The following CDH12 variants were observed in gnomAD, a reference collection of about 807,000 sequenced individuals.
CDH12 encodes cadherin 12, also known as cadherin-12.
In CDH12, 41 loss-of-function variants were observed where a neutral mutation model predicts 74.1. The observed-to-expected ratio is 0.55, with a 90% CI of 0.43 to 0.72. The LOEUF (loss-of-function observed/expected upper bound fraction) is 0.72, where lower values mean the gene tolerates loss of function less well. Ranked by LOEUF, CDH12 falls within the 30% of genes least tolerant of loss-of-function variation. The pLI is 0.00. For synonymous variants in CDH12, 399 were observed against 355.0 expected (o/e 1.12, Z -1.39); for missense variants, 945 against 977.2 (o/e 0.97, Z 0.44).
chr5:22,465,062 G>C (rs1235799146), intron 2 of CDH12, among the ~76,000 whole-genome samples: 3 of 129,100 alleles, frequency 2.3e-5, no homozygotes, highest in Non-Finnish European at 4.9e-5. Flanking sequence ...GGGAGGGGGG[G>C]AAAGAGAGAG....
intron 10 of CDH12, among the ~76,000 whole-genome samples, chr5:21,790,995 C>T (rs1397275214): frequency 6.6e-6 from 1 of 151,974 alleles, no homozygotes; most frequent in East Asian, 1.9e-4. Context: ...TCTCTGTCAC[C>T]TTGTGAGACT....
At chr5:22,081,437 C>T (rs1287032729) in intron 4 of CDH12, among the ~76,000 whole-genome samples, 1 of 152,032 alleles carries the variant, frequency 6.6e-6, no homozygotes, top group Non-Finnish European at 1.5e-5. Context: ...ATGTTTCATC[C>T]CATACTCATA....
At chr5:22,820,585 A>T (rs1226126355) in intron 1 of CDH12, among the ~76,000 whole-genome samples, 2 of 152,204 alleles carry the variant, frequency 1.3e-5, no homozygotes. Flanking sequence ...ACAAACTACC[A>T]TCAGAGAATA....
At chr5:22,274,553 T>C (rs1203044311) in intron 3 of CDH12, among the ~76,000 whole-genome samples, 1 of 152,092 alleles carries the variant, frequency 6.6e-6, no homozygotes, top group Admixed American at 6.6e-5. Context: ...CATGAATTTA[T>C]GTGTGTATCA....
chr5:22,029,849 A>T (rs1738685875), intron 5 of CDH12, among the ~76,000 whole-genome samples: 1 of 151,840 alleles, frequency 6.6e-6, no homozygotes, highest in Non-Finnish European at 1.5e-5. Context: ...AATAGCAAAG[A>T]CTTGGAACCA....
chr5:21,945,295 A>T (rs965490221), intron 6 of CDH12, among the ~76,000 whole-genome samples: 5 of 151,804 alleles, frequency 3.3e-5, no homozygotes, highest in Admixed American at 6.6e-5. Context: ...GTGCATTGGC[A>T]CATGCCTGTA....
intron 1 of CDH12, among the ~76,000 whole-genome samples, chr5:22,600,947 T>C (rs1736829217): frequency 6.6e-6 from 1 of 152,228 alleles, no homozygotes; most frequent in Non-Finnish European, 1.5e-5. Flanking sequence ...GAACTGTTAA[T>C]AACACCTATG....
chr5:22,011,635 T>G, intron 5 of CDH12, among the ~76,000 whole-genome samples: 1 of 152,180 alleles, frequency 6.6e-6, no homozygotes, highest in Non-Finnish European at 1.5e-5. Context: ...ACTAACTTAG[T>G]CCCTGGTTTC....
intron 1 of CDH12, among the ~76,000 whole-genome samples, chr5:22,703,988 T>C (rs1285859648): frequency 6.6e-6 from 1 of 152,158 alleles, no homozygotes; most frequent in Non-Finnish European, 1.5e-5. Context: ...CTCCTTTCTT[T>C]GATAACTGTC....
At chr5:21,965,814 T>C (rs1189142795) in intron 6 of CDH12, among the ~76,000 whole-genome samples, 1 of 152,144 alleles carries the variant, frequency 6.6e-6, no homozygotes, top group East Asian at 1.9e-4. Flanking sequence ...CAAATATGAA[T>C]CCTGAGAATG....
intron 1 of CDH12, among the ~76,000 whole-genome samples, chr5:22,736,833 T>C (rs80212890): frequency 0.025 from 3,785 of 151,938 alleles, 60 homozygotes; most frequent in Non-Finnish European, 0.035. Flanking sequence ...CAAAGCTCCA[T>C]AGAGTTGCTC....
intron 1 of CDH12, among the ~76,000 whole-genome samples, chr5:22,727,882 T>A (rs1192063731): frequency 1.3e-5 from 2 of 151,804 alleles, no homozygotes; most frequent in African/African-American, 4.8e-5. Context: ...ACTTTTGTTA[T>A]CTGCATTCTG....
At chr5:22,696,757 T>C (rs982083588) in intron 1 of CDH12, among the ~76,000 whole-genome samples, 2 of 152,154 alleles carry the variant, frequency 1.3e-5, no homozygotes, top group African/African-American at 4.8e-5. Flanking sequence ...TCAGTATGCA[T>C]TTTAACAGTA....
chr5:21,950,889 C>T (rs1002485032), intron 6 of CDH12, among the ~76,000 whole-genome samples: 8 of 150,994 alleles, frequency 5.3e-5, no homozygotes, highest in African/African-American at 1.9e-4. Context: ...CAGGTTCATG[C>T]CATTCTCCTG....
intron 7 of CDH12, among the ~76,000 whole-genome samples, chr5:21,842,587 G>T (rs903738822): frequency 1.3e-5 from 2 of 152,026 alleles, no homozygotes; most frequent in Non-Finnish European, 2.9e-5. Flanking sequence ...ACCTCTAAGA[G>T]GTAGTCATCA....
intron 4 of CDH12, among the ~76,000 whole-genome samples, chr5:22,102,258 C>T (rs1744178185): frequency 6.6e-6 from 1 of 151,936 alleles, no homozygotes; most frequent in African/African-American, 2.4e-5. Context: ...TTTCTCCATC[C>T]TTTACCAGCA....
intron 2 of CDH12, among the ~76,000 whole-genome samples, chr5:22,423,244 C>T (rs1199669619): frequency 2.7e-5 from 4 of 147,118 alleles, no homozygotes; most frequent in Non-Finnish European, 4.5e-5. Context: ...CCCTAGCGAA[C>T]TTATGAAGAT....
chr5:21,853,297 C>G (rs1750572403), intron 7 of CDH12, among the ~76,000 whole-genome samples: 1 of 151,582 alleles, frequency 6.6e-6, no homozygotes, highest in Non-Finnish European at 1.5e-5. Context: ...CTCCAAAACT[C>G]TATCGAAATC....
intron 6 of CDH12, among the ~76,000 whole-genome samples, chr5:21,890,803 G>A (rs74651027): frequency 0.021 from 3,188 of 152,132 alleles, 103 homozygotes; most frequent in African/African-American, 0.071. Context: ...AAAAAAGTGA[G>A]GATACTGTCA....
Sources: allele counts gnomAD v4.1 joint callset (sites outside exome capture counted in the v4.1 genomes callset), GRCh38; gene constraint gnomAD v4.1.1; transcripts MANE v1.5; gene names NCBI Gene and HGNC (gene_info 2026-07-23, HGNC 2026-07-21).